Variants in MYH15 observed in about 807,000 individuals in gnomAD.
MYH15 encodes myosin-15.
MYH15 carries 227 observed loss-of-function variants against 240.5 expected under a neutral mutation model. The ratio of observed to expected loss-of-function variants is 0.94; its 90% CI spans 0.85 to 1.05. The LOEUF is 1.05. Ranked by LOEUF, MYH15 falls within the 50% of genes least tolerant of loss-of-function variation. The pLI is 0.00. For synonymous variants in MYH15, 785 were observed against 796.7 expected (o/e 0.99, Z 0.25); for missense variants, 2,217 against 2,247.5 (o/e 0.99, Z 0.27).
At chr3:108,434,725 T>A (rs1014314025) in intron 25 of MYH15, among the ~76,000 whole-genome samples, 2 of 152,196 alleles carry the variant, frequency 1.3e-5, no homozygotes, top group African/African-American at 4.8e-5. Flanking sequence ...AAACTATTCA[T>A]AATCATGCCC....
rs558267076 is a variant in MYH15, at chr3:108,424,817, A to G, written c.3703-3603T>C. On this transcript the variant is annotated intron_variant, in intron 27 of 40. Coordinates refer to ENST00000693548, the MANE Select transcript of MYH15 (RefSeq NM_014981.3). ...CAGAAACAATTTATCATGCCAACAAATATTTAAAGCAGTAACAGGACATGC... is the reference window on the plus strand; with the variant it reads ...CAGAAACAATTTATCATGCCAACAAGTATTTAAAGCAGTAACAGGACATGC... Among the ~76,000 whole-genome samples the G allele has an allele frequency of 2.6e-5, 4 of 152,334 alleles. No homozygotes were observed. The South Asian group carries it at 8.3e-4, about 32-fold the overall frequency.
At chr3:108,549,279 AAT>A in the MYH15 span, among the ~76,000 whole-genome samples, 417 of 151,862 alleles carry the variant, frequency 2.7e-3, 2 homozygotes, top group Non-Finnish European at 5.0e-3. Flanking sequence ...TTGCTTTTTT[AAT>A]ATGAGGTACA....
chr3:108,531,776 C>CTAAATAAATAAATAAA (rs71103476), upstream of MYH15, among the ~76,000 whole-genome samples: 815 of 148,238 alleles, frequency 5.5e-3, 9 homozygotes, highest in East Asian at 0.057. Flanking sequence ...GACCCCATCT[C>CTAAATAAATAAATAAA]TAAATAAATA....
intron 36 of MYH15, among the ~76,000 whole-genome samples, chr3:108,393,210 G>A (rs2082433385): frequency 6.6e-6 from 1 of 152,218 alleles, no homozygotes; most frequent in Non-Finnish European, 1.5e-5. Flanking sequence ...GATCAGGGCT[G>A]TTGCATGTGG....
the MYH15 span, among the ~76,000 whole-genome samples, chr3:108,536,181 C>T: frequency 6.6e-6 from 1 of 152,162 alleles, no homozygotes; most frequent in Non-Finnish European, 1.5e-5. Flanking sequence ...AGAAGAATCA[C>T]TTGAACCTGG....
At chr3:108,527,008 A>C (rs2083677565) in intron 1 of MYH15, among the ~76,000 whole-genome samples, 1 of 152,160 alleles carries the variant, frequency 6.6e-6, no homozygotes, top group African/African-American at 2.4e-5. Flanking sequence ...GAGCTCAAAA[A>C]GTTTTCTGCT....
intron 11 of MYH15, among the ~76,000 whole-genome samples, chr3:108,483,813 T>A (rs140252594): frequency 0.012 from 1,780 of 152,338 alleles, 33 homozygotes; most frequent in African/African-American, 0.041. Flanking sequence ...TTGAAGACAT[T>A]ATGCTAAGTG....
Position 108,485,144 on chromosome 3 carries a change from A to C in MYH15, c.1061T>G (p.Met354Arg). Residue 354 changes from methionine to arginine, a missense_variant, in exon 11 of 41, where the codon ATG (methionine) becomes AGG (arginine). Physicochemically the swap from Met to Arg is moderately conservative, Grantham distance 91. Coordinates refer to ENST00000693548, the MANE Select transcript of MYH15 (RefSeq NM_014981.3). ...LTGAIMHFGN[M>R]KFKQKPREEQ... is the part of the protein sequence containing the mutation. The stretch of plus-strand genomic sequence containing the variant: ...TTCTCTAGGTTTCTGTTTAAATTTC[A>C]TATTTCCAAAGTGCATGATGGCTCC... 1 of 1,614,110 alleles carries C rather than the reference A, an allele frequency of 6.2e-7. No individual in the cohort carries two copies. Among genetic ancestry groups the C allele is most frequent in the Non-Finnish European group, 8.5e-7 (1 of 1,179,976 alleles).
At chr3:108,412,114 T>A (rs2082598356) in intron 30 of MYH15, among the ~76,000 whole-genome samples, 1 of 152,250 alleles carries the variant, frequency 6.6e-6, no homozygotes, top group Admixed American at 6.5e-5. Flanking sequence ...CATACTGGAC[T>A]GCCTGGGACT....
chr3:108,401,112 C>T (rs1160877215), intron 33 of MYH15, among the ~76,000 whole-genome samples: 1 of 152,174 alleles, frequency 6.6e-6, no homozygotes. Flanking sequence ...CTGTAGGGAT[C>T]CCACTAGGTA....
intron 12 of MYH15, among the ~76,000 whole-genome samples, chr3:108,471,169 G>A (rs2083173290): frequency 6.6e-6 from 1 of 151,676 alleles, no homozygotes. Context: ...TAGGAGAAAG[G>A]AGTAAGCTAG....
At chr3:108,539,371 T>C in the MYH15 span, among the ~76,000 whole-genome samples, 1 of 152,138 alleles carries the variant, frequency 6.6e-6, no homozygotes, top group East Asian at 1.9e-4. Flanking sequence ...GAGGTGGACT[T>C]TTGACTTGGG....
At chr3:108,411,516 A>T (rs1394454845) in intron 30 of MYH15, among the ~76,000 whole-genome samples, 2 of 152,160 alleles carry the variant, frequency 1.3e-5, no homozygotes. Context: ...CTCACTTAAC[A>T]GGTCCTACTG....
intron 29 of MYH15, among the ~76,000 whole-genome samples, chr3:108,415,553 G>T (rs1411520912): frequency 6.6e-6 from 1 of 152,130 alleles, no homozygotes; most frequent in African/African-American, 2.4e-5. Context: ...GCCCTAAAGA[G>T]CCCAAAAGAA....
intron 11 of MYH15, among the ~76,000 whole-genome samples, chr3:108,479,255 G>C (rs556621429): frequency 3.3e-5 from 5 of 152,156 alleles, no homozygotes; most frequent in Non-Finnish European, 5.9e-5. Context: ...AGTTCCTTCA[G>C]GACCTTGTGA....
At position 108,381,341 on chromosome 3, in the gene MYH15, T is replaced by C. The variant is rs1314700098; in HGVS notation, c.*204A>G. 9.8e-6 allele frequency: 6 copies of C among 613,944 alleles called. No homozygotes were observed. Among genetic ancestry groups the C allele is most frequent in the South Asian group, 2.0e-5 (1 of 49,652 alleles). 38.0% of individuals were successfully genotyped at this position (613,944 alleles called of 1,614,324 possible). A position where few individuals can be genotyped will look rare whatever the true frequency, so the allele number is the denominator to read the frequency against. On this transcript the variant is annotated 3_prime_UTR_variant, in exon 41 of 41. Coordinates refer to ENST00000693548, the MANE Select transcript of MYH15 (RefSeq NM_014981.3). ...TGTGAAGCATTAGAAGGTAGTTTAC[T>C]TGCATTTGAGGATCAAAAAATCCCC...
intron 25 of MYH15, among the ~76,000 whole-genome samples, chr3:108,432,664 G>A (rs1034841338): frequency 5.9e-5 from 9 of 152,186 alleles, no homozygotes; most frequent in African/African-American, 1.4e-4. Flanking sequence ...GGTGCCCTGC[G>A]TCCCAGCTGC....
upstream of MYH15, among the ~76,000 whole-genome samples, chr3:108,531,808 A>G (rs529866569): frequency 9.8e-4 from 149 of 151,586 alleles, no homozygotes; most frequent in African/African-American, 3.1e-3. Context: ...AAATAAATAC[A>G]TAAATAAAAT....
Position 108,470,228 on chromosome 3 carries a change from T to C in MYH15, c.1384-16A>G. 1 of 1,554,936 alleles carries C rather than the reference T, an allele frequency of 6.4e-7. No homozygotes were observed. The highest frequency in any genetic ancestry group is 2.3e-5 in the East Asian group (1 of 43,952). ...GGCTATTATACTTCAAGGATATGAA[T>C]AGGTAAGAAGAAGAGATAAAAATAA... On this transcript the variant is annotated splice_polypyrimidine_tract_variant and intron_variant, in intron 13 of 40. Coordinates refer to ENST00000693548, the MANE Select transcript of MYH15 (RefSeq NM_014981.3).
Sources: gnomAD v4.1 joint callset for allele counts (sites outside exome capture counted in the v4.1 genomes callset) on GRCh38, gnomAD v4.1.1 for gene constraint, MANE v1.5 for transcripts, NCBI Gene and HGNC (gene_info 2026-07-23, HGNC 2026-07-21) for gene names.